Variants in ZCWPW2 observed in about 807,000 individuals in gnomAD.
ZCWPW2 encodes zinc finger CW-type and PWWP domain containing 2, also known as zinc finger CW-type PWWP domain protein 2.
ZCWPW2 carries 45 observed loss-of-function variants against 46.6 expected under a neutral mutation model. The ratio of observed to expected loss-of-function variants is 0.96; its 90% CI spans 0.76 to 1.24. The LOEUF is 1.24. Among genes scored for constraint, ZCWPW2 ranks in the 50% most tolerant of loss-of-function variants. ZCWPW2 has a pLI of 0.00. For missense variants in ZCWPW2, 429 were observed against 403.9 expected (o/e 1.06, Z -0.53); for synonymous variants, 152 against 137.1 (o/e 1.11, Z -0.76).
chr3:28,409,669 A>G (rs1696319566), intron 2 of ZCWPW2, among the ~76,000 whole-genome samples: 1 of 152,166 alleles, frequency 6.6e-6, no homozygotes, highest in African/African-American at 2.4e-5. Context: ...ATTAATTTAT[A>G]CCTTGTTAAA....
chr3:28,515,804 T>G (rs1045086839), intron 8 of ZCWPW2, among the ~76,000 whole-genome samples, 183 bp downstream of exon 8: 1 of 147,312 alleles, frequency 6.8e-6, no homozygotes, highest in Non-Finnish European at 1.5e-5. Context: ...TATATGTGTG[T>G]GTGTATATAT....
chr3:28,379,385 A>C (rs1021811638), intron 1 of ZCWPW2, among the ~76,000 whole-genome samples: 3 of 152,194 alleles, frequency 2.0e-5, no homozygotes, highest in Admixed American at 1.3e-4. Context: ...AGACAGCCTT[A>C]AACAAGTGCT....
intron 2 of ZCWPW2, among the ~76,000 whole-genome samples, chr3:28,400,787 A>G (rs567549234): frequency 6.6e-6 from 1 of 152,318 alleles, no homozygotes; most frequent in African/African-American, 2.4e-5. Context: ...ACTGCTAAAA[A>G]ACGCTCTAAA....
chr3:28,396,428 C>T (rs889105222), intron 2 of ZCWPW2, among the ~76,000 whole-genome samples: 6 of 152,176 alleles, frequency 3.9e-5, no homozygotes, highest in African/African-American at 1.4e-4. Context: ...TTAAAAATGG[C>T]ATTATGTGAA....
intron 4 of ZCWPW2, among the ~76,000 whole-genome samples, chr3:28,475,163 C>G (rs1223595132): frequency 6.6e-6 from 1 of 151,944 alleles, no homozygotes; most frequent in African/African-American, 2.4e-5. Context: ...GATCTTCCAA[C>G]AAATCTTTCT....
chr3:28,502,695 G>C (rs1700179921), intron 6 of ZCWPW2, among the ~76,000 whole-genome samples: 1 of 152,100 alleles, frequency 6.6e-6, no homozygotes, highest in Admixed American at 6.6e-5. Context: ...AGCTATAAGG[G>C]GAAGTTTTTC....
chr3:28,448,429 A>C (rs1374145999), intron 4 of ZCWPW2, among the ~76,000 whole-genome samples: 1 of 152,148 alleles, frequency 6.6e-6, no homozygotes, highest in Non-Finnish European at 1.5e-5. Flanking sequence ...AACAAAGTTA[A>C]AGAAGATATA....
At chr3:28,450,749 G>A (rs1698194948) in intron 4 of ZCWPW2, among the ~76,000 whole-genome samples, 1 of 151,984 alleles carries the variant, frequency 6.6e-6, no homozygotes, top group Non-Finnish European at 1.5e-5. Flanking sequence ...TATTTTGGGG[G>A]GTACCAGAGA....
At chr3:28,448,970 T>C (rs77288031) in intron 4 of ZCWPW2, among the ~76,000 whole-genome samples, 3,235 of 152,202 alleles carry the variant, frequency 0.021, 117 homozygotes, top group African/African-American at 0.065. Flanking sequence ...CAAAACAATC[T>C]TGAAGAAGAA....
intron 4 of ZCWPW2, among the ~76,000 whole-genome samples, chr3:28,437,869 C>T (rs976295665): frequency 3.9e-5 from 6 of 152,058 alleles, no homozygotes; most frequent in Non-Finnish European, 2.9e-5. Context: ...TAGGAAGCAC[C>T]ATGAATATGT....
chr3:28,400,866 A>T (rs1054144317), intron 2 of ZCWPW2, among the ~76,000 whole-genome samples: 8 of 152,170 alleles, frequency 5.3e-5, no homozygotes. Flanking sequence ...CAGGCTCTAT[A>T]AAATAAAAAT....
intron 1 of ZCWPW2, among the ~76,000 whole-genome samples, chr3:28,389,623 A>G (rs2125716730): frequency 6.6e-6 from 1 of 152,334 alleles, no homozygotes; most frequent in South Asian, 2.1e-4. Flanking sequence ...TAGGAAACGC[A>G]TCCTTAAGAT....
At chr3:28,508,022 A>G (rs1317574240) in intron 6 of ZCWPW2, among the ~76,000 whole-genome samples, 1 of 152,146 alleles carries the variant, frequency 6.6e-6, no homozygotes, top group African/African-American at 2.4e-5. Context: ...AGGGTTCTAC[A>G]GGCTGTACAA....
At chr3:28,379,200 G>C (rs1002970902) in intron 1 of ZCWPW2, among the ~76,000 whole-genome samples, 37 of 152,180 alleles carry the variant, frequency 2.4e-4, no homozygotes, top group Non-Finnish European at 7.4e-5. Context: ...GCAAATCAGT[G>C]ACAGAGTAGT....
rs1307538047 is a variant in ZCWPW2, at chr3:28,454,087, G to A, written c.492+18818G>A. Among the ~76,000 whole-genome samples, 4 of 151,684 alleles carry A rather than the reference G, an allele frequency of 2.6e-5. No individual in the cohort carries two copies. The East Asian group carries it at 7.7e-4, about 29-fold the overall frequency. ...TCTCGATCTCCTGACCTCGTGATCCGCCCGCCTCGGCCTCCCAAAGTGCTG... is the reference window on the plus strand; with the variant it reads ...TCTCGATCTCCTGACCTCGTGATCCACCCGCCTCGGCCTCCCAAAGTGCTG... On this transcript the variant is annotated intron_variant, in intron 4 of 9. Coordinates refer to ENST00000383768, the MANE Select transcript of ZCWPW2 (RefSeq NM_001040432.4).
chr3:28,373,107 G>A (rs1315160026), intron 1 of ZCWPW2, among the ~76,000 whole-genome samples: 2 of 152,140 alleles, frequency 1.3e-5, no homozygotes, highest in African/African-American at 2.4e-5. Flanking sequence ...TGTGAATAGT[G>A]CTACAATAAA....
intron 5 of ZCWPW2, among the ~76,000 whole-genome samples, chr3:28,487,542 A>G (rs928099125): frequency 2.0e-5 from 3 of 152,142 alleles, no homozygotes; most frequent in African/African-American, 7.2e-5. Context: ...AGCTTTTAGC[A>G]TATTAGTCAT....
At chr3:28,515,447 A>C in intron 7 of ZCWPW2, 107 bp from the exon 8 acceptor site, 1 of 820,144 alleles carries the variant, frequency 1.2e-6, no homozygotes, top group Non-Finnish European at 1.9e-6. Context: ...TACCTTTAGA[A>C]AATATATGCA....
At chr3:28,518,072 G>T (rs1397232867) in intron 8 of ZCWPW2, among the ~76,000 whole-genome samples, 1 of 140,312 alleles carries the variant, frequency 7.1e-6, no homozygotes, top group East Asian at 2.1e-4. Context: ...GGAGGTGGGG[G>T]TTGTGGTGAG....
Sources: gnomAD v4.1 joint callset for allele counts (sites outside exome capture counted in the v4.1 genomes callset) on GRCh38, gnomAD v4.1.1 for gene constraint, MANE v1.5 for transcripts, NCBI Gene and HGNC (gene_info 2026-07-23, HGNC 2026-07-21) for gene names.